The following TXLNB variants were observed in gnomAD, a reference collection of about 807,000 sequenced individuals.
The protein encoded by TXLNB is beta-taxilin.
In TXLNB, 37 loss-of-function variants were observed where a neutral mutation model predicts 57.4. The observed-to-expected ratio is 0.64, with a 90% CI of 0.50 to 0.85. The LOEUF is 0.85. Among genes scored for constraint, TXLNB ranks in the 40% least tolerant of loss-of-function variants. TXLNB has a pLI of 0.00. For missense variants in TXLNB, 848 were observed against 825.6 expected (o/e 1.03, Z -0.33); for synonymous variants, 302 against 309.6 (o/e 0.98, Z 0.26).
upstream of TXLNB, among the ~76,000 whole-genome samples, chr6:139,293,334 C>T (rs1026076916): frequency 6.6e-6 from 1 of 152,100 alleles, no homozygotes; most frequent in Non-Finnish European, 1.5e-5. Context: ...TCATGATCCG[C>T]CCACCTCGGC....
chr6:139,260,371 C>G lies in TXLNB; in HGVS notation c.949G>C (p.Ala317Pro). Residue 317 changes from alanine (A) to proline (P), a missense_variant, in exon 6 of 10, where the codon GCC becomes CCC. Coordinates refer to ENST00000358430, the MANE Select transcript of TXLNB (RefSeq NM_153235.4). ...TCCGCTTCCTTCATCATTTCTTGGG[C>G]CTGCTCAAGCTTTGCATCCACCAGC... ...QKLVDAKLEQ[A>P]QEMMKEAEER... 1 of 1,614,104 alleles carries G rather than the reference C, an allele frequency of 6.2e-7. No homozygotes were observed. Among genetic ancestry groups the G allele is most frequent in the Non-Finnish European group, 8.5e-7 (1 of 1,180,014 alleles).
At chr6:139,215,665 A>G in the TXLNB span, among the ~76,000 whole-genome samples, 1 of 152,222 alleles carries the variant, frequency 6.6e-6, no homozygotes, top group Non-Finnish European at 1.5e-5. Context: ...ACAGCAAAAG[A>G]AACTACCATC....
chr6:139,159,240 C>T, the TXLNB span: 1 of 152,184 alleles, frequency 6.6e-6, no homozygotes, highest in Non-Finnish European at 1.5e-5. Context: ...CTCCCACAGT[C>T]TGGAGTCGGG....
At chr6:139,289,034 GAA>G (rs878953972) in intron 1 of TXLNB, 121 bp from the exon 2 acceptor site, 234,272 of 736,162 alleles carry the variant, frequency 0.32, 42,354 homozygotes, top group African/African-American at 0.7. Flanking sequence ...CTAACGTAGA[GAA>G]AGGCAATGTC....
chr6:139,219,443 G>A, the TXLNB span, among the ~76,000 whole-genome samples: 1 of 152,220 alleles, frequency 6.6e-6, no homozygotes, highest in Non-Finnish European at 1.5e-5. Context: ...GTTTGGGCAA[G>A]CAGGAATGCA....
chr6:139,191,897 G>A, the TXLNB span, among the ~76,000 whole-genome samples: 1 of 152,138 alleles, frequency 6.6e-6, no homozygotes, highest in South Asian at 2.1e-4. Flanking sequence ...TGTGTCAAGC[G>A]AAAGTAACTT....
chr6:139,199,636 A>T, the TXLNB span, among the ~76,000 whole-genome samples: 1 of 152,230 alleles, frequency 6.6e-6, no homozygotes, highest in African/African-American at 2.4e-5. Flanking sequence ...AGATATGAGC[A>T]AAGCCTCAGT....
At chr6:139,161,647 G>A in the TXLNB span, among the ~76,000 whole-genome samples, 2 of 152,182 alleles carry the variant, frequency 1.3e-5, no homozygotes, top group African/African-American at 4.8e-5. Flanking sequence ...TTTCTTTAGT[G>A]TGAAAATACT....
In TXLNB at chr6:139,260,362, T is replaced by G; in HGVS notation, c.958A>C (p.Met320Leu). ...VDAKLEQAQE[M>L]MKEAEERHKR... ...TGTCGCTCCTCCGCTTCCTTCATCA[T>G]TTCTTGGGCCTGCTCAAGCTTTGCA... The change falls in exon 6 of 10, where the codon ATG becomes CTG. Residue 320 changes from methionine to leucine, a missense_variant. Met to Leu is a conservative substitution (Grantham distance 15). Transcript: ENST00000358430. 6.2e-7 allele frequency: 1 copy of G among 1,614,206 alleles called. No homozygotes were observed. The highest frequency in any genetic ancestry group is 8.5e-7 in the Non-Finnish European group (1 of 1,180,034).
At chr6:139,233,667 T>C in the TXLNB span, among the ~76,000 whole-genome samples, 2 of 152,132 alleles carry the variant, frequency 1.3e-5, no homozygotes, top group South Asian at 4.1e-4. Flanking sequence ...ATTGTTAAGT[T>C]TCCTGAGGCC....
At chr6:139,318,733 T>C in the TXLNB span, among the ~76,000 whole-genome samples, 1 of 152,156 alleles carries the variant, frequency 6.6e-6, no homozygotes, top group Non-Finnish European at 1.5e-5. Flanking sequence ...TGCAAACATC[T>C]GAAGGTAAAG....
In TXLNB at chr6:139,285,574, A is replaced by C. The variant is rs1005044137; in HGVS notation, c.424+2902T>G. ...CACTTTGGAACTTGAAGATACTTAA[A>C]AGTTATTATCTGAGTTCTTTTAATT... On this transcript the variant is annotated intron_variant, in intron 2 of 9. Transcript: ENST00000358430. Among the ~76,000 whole-genome samples the C allele has an allele frequency of 6.9e-5, 10 of 145,050 alleles. 3 individuals carry two copies. Among genetic ancestry groups the C allele is most frequent in the African/African-American group, 2.5e-4 (10 of 39,406 alleles).
At chr6:139,181,642 A>G in the TXLNB span, among the ~76,000 whole-genome samples, 15 of 152,202 alleles carry the variant, frequency 9.9e-5, no homozygotes, top group African/African-American at 2.9e-4. Flanking sequence ...TGCTTAATTT[A>G]TAAACTTTAT....
the TXLNB span, among the ~76,000 whole-genome samples, chr6:139,323,289 T>G: frequency 1.3e-5 from 2 of 151,396 alleles, no homozygotes; most frequent in East Asian, 1.9e-4. Context: ...TTAGTTTTTT[T>G]TTTTTTTTTT....
At chr6:139,166,324 G>T in the TXLNB span, 3 of 1,612,628 alleles carry the variant, frequency 1.9e-6, no homozygotes, top group Non-Finnish European at 8.5e-7. Context: ...GCTTCGGTAG[G>T]CCGGTGGACC....
chr6:139,311,167 C>A, the TXLNB span, among the ~76,000 whole-genome samples: 2 of 152,172 alleles, frequency 1.3e-5, no homozygotes, highest in Non-Finnish European at 2.9e-5. Context: ...ACCCTCTCTG[C>A]CTATGCTGCA....
chr6:139,288,961 A>T (rs1583032533), intron 1 of TXLNB, 48 bp from the exon 2 acceptor site: 1 of 1,354,432 alleles, frequency 7.4e-7, no homozygotes, highest in Middle Eastern at 2.2e-4. Flanking sequence ...TACTTGCTAC[A>T]TATCAATGCT....
rs765723224 is a variant in TXLNB, at chr6:139,255,598, A to G, written c.1043T>C (p.Val348Ala). The change falls in exon 7 of 10, where the codon GTG (valine) becomes GCG (alanine). Residue 348 changes from valine to alanine, a missense_variant. By Grantham distance (64) the Val-to-Ala change is moderately conservative. Coordinates refer to ENST00000358430, the MANE Select transcript of TXLNB (RefSeq NM_153235.4). ...QAAEWKLQAK[V>A]LKEQETVLQA... ...CAGGACTGTCTCTTGCTCCTTCAGC[A>G]CTTTCGCCTGAAGTTTCCACTCTGC... 2 of 1,613,824 alleles carry G rather than the reference A, an allele frequency of 1.2e-6. No individual in the cohort carries two copies. Among genetic ancestry groups the G allele is most frequent in the Non-Finnish European group, 8.5e-7 (1 of 1,179,862 alleles).
chr6:139,302,129 A>G, the TXLNB span, among the ~76,000 whole-genome samples: 3 of 152,138 alleles, frequency 2.0e-5, no homozygotes, highest in Non-Finnish European at 4.4e-5. Context: ...TATTTAGCTA[A>G]AAATAAGATG....
Sources: allele counts gnomAD v4.1 joint callset (sites outside exome capture counted in the v4.1 genomes callset), GRCh38; gene constraint gnomAD v4.1.1; transcripts MANE v1.5; gene names NCBI Gene and HGNC (gene_info 2026-07-23, HGNC 2026-07-21).